The following MGAT4A variants were observed in gnomAD, a reference collection of about 807,000 sequenced individuals.
MGAT4A encodes N-acetylglucosaminyltransferase IVa.
MGAT4A carries 33 observed loss-of-function variants against 74.1 expected under a neutral mutation model. The observed-to-expected ratio is 0.45, with a 90% CI of 0.34 to 0.60. MGAT4A has a LOEUF of 0.60. Ranked by LOEUF, MGAT4A falls within the 20% of genes least tolerant of loss-of-function variation. MGAT4A has a pLI of 0.02. For missense variants in MGAT4A, 479 were observed against 628.3 expected (o/e 0.76, Z 2.54); for synonymous variants, 198 against 210.4 (o/e 0.94, Z 0.51).
At chr2:98,686,039 C>T (rs944915606) in intron 2 of MGAT4A, among the ~76,000 whole-genome samples, 2 of 152,058 alleles carry the variant, frequency 1.3e-5, no homozygotes, top group Admixed American at 6.6e-5. Flanking sequence ...TGTTTAGGGC[C>T]GTAATCCTGA....
chr2:98,655,665 G>C, intron 7 of MGAT4A, 145 bp from the exon 8 acceptor site: 1 of 537,240 alleles, frequency 1.9e-6, no homozygotes, highest in Non-Finnish European at 3.2e-6. Context: ...CACTCACTTA[G>C]GACGAAGAGT....
intron 1 of MGAT4A, among the ~76,000 whole-genome samples, chr2:98,729,396 T>G (rs904802253): frequency 1.3e-5 from 2 of 152,210 alleles, no homozygotes; most frequent in African/African-American, 4.8e-5. Context: ...TACTCACTCT[T>G]CAATTATGAG....
intron 3 of MGAT4A, among the ~76,000 whole-genome samples, 161 bp downstream of exon 3, chr2:98,678,143 T>C (rs547464111): frequency 1.3e-5 from 2 of 149,544 alleles, no homozygotes; most frequent in East Asian, 3.9e-4. Context: ...GGCAGAAGAA[T>C]GGTGTGAACC....
At chr2:98,721,017 C>T (rs911961272) in intron 2 of MGAT4A, among the ~76,000 whole-genome samples, 16 of 152,118 alleles carry the variant, frequency 1.1e-4, no homozygotes, top group African/African-American at 3.1e-4. Flanking sequence ...AAAAGTCAAA[C>T]ACAAGAAAAT....
Position 98,621,402 on chromosome 2 carries a change from G to C in MGAT4A, c.*4164C>G, listed in dbSNP as rs1701058685. 6.4e-7 allele frequency: 1 copy of C among 1,550,884 alleles called. No individual in the cohort carries two copies. The highest frequency in any genetic ancestry group is 1.4e-5 in the African/African-American group (1 of 73,122). On this transcript the variant is annotated 3_prime_UTR_variant, in exon 16 of 16. Transcript: ENST00000393487. ...CTCTCTCAGCTCCTCAAAGCCATGT[G>C]CATTCCTTCTCATGCAGCCCCCTCT...
intron 5 of MGAT4A, among the ~76,000 whole-genome samples, chr2:98,662,581 C>T (rs1467704132): frequency 1.3e-5 from 2 of 150,952 alleles, no homozygotes; most frequent in East Asian, 1.9e-4. Context: ...TTAAAAAGAA[C>T]TTGCTCAAGA....
chr2:98,643,776 T>C (rs1701447423), intron 10 of MGAT4A, 147 bp downstream of exon 10: 1 of 679,062 alleles, frequency 1.5e-6, no homozygotes, highest in Admixed American at 4.0e-5. Flanking sequence ...ATCTAAAAGT[T>C]CTTCTAATAT....
intron 2 of MGAT4A, among the ~76,000 whole-genome samples, chr2:98,680,890 A>C (rs1702049699): frequency 6.6e-6 from 1 of 152,274 alleles, no homozygotes; most frequent in South Asian, 2.1e-4. Context: ...CAATAAAATT[A>C]TCTCTTATTC....
intron 4 of MGAT4A, among the ~76,000 whole-genome samples, chr2:98,673,539 C>T (rs937309477): frequency 2.0e-5 from 3 of 151,890 alleles, no homozygotes; most frequent in Non-Finnish European, 4.4e-5. Flanking sequence ...TTTTTTCTAC[C>T]TTTCAAAAAT....
intron 14 of MGAT4A, among the ~76,000 whole-genome samples, chr2:98,627,084 T>A (rs961422763): frequency 6.6e-6 from 1 of 152,194 alleles, no homozygotes; most frequent in Non-Finnish European, 1.5e-5. Flanking sequence ...TTTTGAGATA[T>A]GGAAATTTCT....
Position 98,625,023 on chromosome 2 carries a change from G to A in MGAT4A, c.*543C>T. The A allele has an allele frequency of 1.0e-6, 1 of 983,598 alleles. No homozygotes were observed. Among genetic ancestry groups the A allele is most frequent in the Non-Finnish European group, 1.2e-6 (1 of 828,092 alleles). 60.9% of individuals were successfully genotyped at this position (983,598 alleles called of 1,614,324 possible). A position where few individuals can be genotyped will look rare whatever the true frequency, so the allele number is the denominator to read the frequency against. On this transcript the variant is annotated 3_prime_UTR_variant, in exon 16 of 16. Coordinates refer to ENST00000393487, the MANE Select transcript of MGAT4A (RefSeq NM_012214.3). ...GCATTTCCAAAGAAAAATATAGAAA[G>A]AACTTAAAAAAGCAAGGAAACTGGT...
rs151218178 is a variant in MGAT4A, at chr2:98,631,318, G to A, written c.1468+3904C>T. On this transcript the variant is annotated intron_variant, in intron 14 of 15. Coordinates refer to ENST00000393487, the MANE Select transcript of MGAT4A (RefSeq NM_012214.3). Reference sequence around the variant, plus strand: ...GCCCCTCTCCAGGGCCAGTCTTGGCGACATGCAAGGGGAGCAGGGAAGTGC... The same window carrying A: ...GCCCCTCTCCAGGGCCAGTCTTGGCAACATGCAAGGGGAGCAGGGAAGTGC... Among the ~76,000 whole-genome samples the A allele has an allele frequency of 5.9e-3, 892 of 152,288 alleles. 5 individuals are homozygous for A. Among genetic ancestry groups the A allele is most frequent in the South Asian group, 0.018 (87 of 4,824 alleles).
chr2:98,693,663 G>C (rs565739251), intron 2 of MGAT4A, among the ~76,000 whole-genome samples: 31 of 145,318 alleles, frequency 2.1e-4, no homozygotes, highest in African/African-American at 7.3e-4. Context: ...AGCTGTGACA[G>C]AGTGAGAGCT....
chr2:98,672,220 C>G (rs1185842285), intron 4 of MGAT4A, among the ~76,000 whole-genome samples: 1 of 152,152 alleles, frequency 6.6e-6, no homozygotes, highest in Non-Finnish European at 1.5e-5. Context: ...GGCCAAAAGT[C>G]CCTCTTACAC....
intron 2 of MGAT4A, among the ~76,000 whole-genome samples, chr2:98,692,937 A>G (rs1194065000): frequency 6.6e-6 from 1 of 152,232 alleles, no homozygotes; most frequent in East Asian, 1.9e-4. Context: ...ATAAACCTAC[A>G]TAAAGATTCA....
At chr2:98,643,009 CT>C in intron 10 of MGAT4A, among the ~76,000 whole-genome samples, 1 of 152,182 alleles carries the variant, frequency 6.6e-6, no homozygotes, top group East Asian at 1.9e-4. Flanking sequence ...TAAGTCAACT[CT>C]ATAATGACAT....
intron 2 of MGAT4A, among the ~76,000 whole-genome samples, chr2:98,723,205 T>C (rs1016097094): frequency 7.2e-5 from 11 of 152,174 alleles, no homozygotes; most frequent in Non-Finnish European, 1.3e-4. Context: ...CTAGGAACTG[T>C]ACTTGTAAGA....
intron 5 of MGAT4A, among the ~76,000 whole-genome samples, chr2:98,662,042 G>A (rs778292068): frequency 1.3e-5 from 2 of 152,180 alleles, no homozygotes; most frequent in Non-Finnish European, 2.9e-5. Flanking sequence ...AGGAAGCTAA[G>A]GCATGAGAAC....
chr2:98,624,304 G>A lies in MGAT4A; in HGVS notation c.*1262C>T, dbSNP rs796946923. 1.3e-4 allele frequency: 127 copies of A among 967,470 alleles called. No homozygotes were observed. In the African/African-American group the frequency reaches 1.6e-3, roughly 12 times the overall value. The allele number at this position is 967,470 out of a possible 1,614,324, so 59.9% of individuals were successfully genotyped here. ...TGGGATTACAGGCGTGAGCCACAGC[G>A]CCTGGTGATAATTCATCATTTTTTA... On this transcript the variant is annotated 3_prime_UTR_variant, in exon 16 of 16. Transcript: ENST00000393487.
Sources: gnomAD v4.1 joint callset for allele counts (sites outside exome capture counted in the v4.1 genomes callset) on GRCh38, gnomAD v4.1.1 for gene constraint, MANE v1.5 for transcripts, NCBI Gene and HGNC (gene_info 2026-07-23, HGNC 2026-07-21) for gene names.